PCLO: variants seen among roughly 807,000 people sequenced by gnomAD.
PCLO encodes protein piccolo.
PCLO carries 82 observed loss-of-function variants against 427.5 expected under a neutral mutation model. That is an observed-to-expected ratio of 0.19 (90% CI 0.16 to 0.23). The LOEUF (loss-of-function observed/expected upper bound fraction) is 0.23. PCLO is among the 10% of genes least tolerant of loss of function. The pLI is 1.00. For missense variants in PCLO, 6,239 were observed against 6,115.9 expected, an observed-to-expected ratio of 1.02 and a Z score of -0.67; for synonymous variants, 2,357 against 2,155.4, an observed-to-expected ratio of 1.09 and a Z score of -2.59.
rs775234755 is a variant in PCLO, at chr7:82,822,700, A to G, written c.14597-11T>C. ...TGGGAACCTGCATGTCTGGTCACAAAAGGGTAAAACATGAGTTAAAGTTGT... is the reference window on the plus strand; with the variant it reads ...TGGGAACCTGCATGTCTGGTCACAAGAGGGTAAAACATGAGTTAAAGTTGT... On this transcript the variant is annotated splice_polypyrimidine_tract_variant and intron_variant, in intron 19 of 24. Transcript: ENST00000333891. The G allele has an allele frequency of 6.2e-7, 1 of 1,611,024 alleles. No individual in the cohort carries two copies. The highest frequency in any genetic ancestry group is 2.2e-5 in the East Asian group (1 of 44,870).
intron 8 of PCLO, among the ~76,000 whole-genome samples, chr7:82,907,953 A>G (rs1183691910): frequency 6.6e-6 from 1 of 152,074 alleles, no homozygotes; most frequent in Non-Finnish European, 1.5e-5. Context: ...ACAAACACTG[A>G]ATTATAGTAA....
At chr7:83,133,267 C>T (rs1018197007) in intron 3 of PCLO, among the ~76,000 whole-genome samples, 5 of 151,740 alleles carry the variant, frequency 3.3e-5, no homozygotes, top group African/African-American at 7.3e-5. Flanking sequence ...TAATGAATAA[C>T]AAAATCAAGG....
intron 3 of PCLO, among the ~76,000 whole-genome samples, chr7:83,034,348 C>T (rs535008934): frequency 3.1e-4 from 47 of 152,230 alleles, no homozygotes; most frequent in African/African-American, 1.1e-3. Context: ...ACAACCACAC[C>T]GAGCTACTTT....
At position 82,955,320 on chromosome 7, in the gene PCLO, A is replaced by G. The variant is rs1795483912; in HGVS notation, c.5633T>C (p.Ile1878Thr). 1.9e-6 allele frequency: 3 copies of G among 1,613,394 alleles called. No homozygotes were observed. Among genetic ancestry groups the G allele is most frequent in the Non-Finnish European group, 2.5e-6 (3 of 1,179,708 alleles). ...EGFEISPEKI[I>T]EVQKVYKLPT... ...CAATTTATAAACTTTTTGTACTTCT[A>G]TTATTTTTTCCGGGCTTATTTCAAA... Residue 1878 changes from isoleucine (I) to threonine (T), a missense_variant, in exon 5 of 25, where the codon ATA (isoleucine) becomes ACA (threonine). Physicochemically the swap from Ile to Thr is moderately conservative, Grantham distance 89 (BLOSUM62 -1). Transcript: ENST00000333891.
chr7:83,054,365 T>C (rs1789326800), intron 3 of PCLO, among the ~76,000 whole-genome samples: 1 of 152,034 alleles, frequency 6.6e-6, no homozygotes. Context: ...ATAAATAGTT[T>C]CCTTTTTCTT....
intron 10 of PCLO, 58 bp from the exon 11 acceptor site, chr7:82,847,305 T>C (rs1792529909): frequency 1.1e-6 from 1 of 929,942 alleles, no homozygotes; most frequent in Non-Finnish European, 1.7e-6. Flanking sequence ...TCTGGGTACA[T>C]ATGGCATTGA....
chr7:82,800,577 A>G (rs897951865), intron 22 of PCLO, among the ~76,000 whole-genome samples: 3 of 152,050 alleles, frequency 2.0e-5, no homozygotes, highest in Non-Finnish European at 2.9e-5. Flanking sequence ...CACATGAAGG[A>G]CTATAGGGCT....
chr7:83,019,309 C>A (rs1309827194), intron 3 of PCLO, among the ~76,000 whole-genome samples: 1 of 151,922 alleles, frequency 6.6e-6, no homozygotes, highest in East Asian at 1.9e-4. Context: ...GGAAGAAGAA[C>A]AGAAATAAGA....
chr7:82,824,308 T>G lies in PCLO; in HGVS notation c.14524A>C (p.Ser4842Arg), dbSNP rs1467947402. 3 of 1,613,564 alleles carry G rather than the reference T, an allele frequency of 1.9e-6. No homozygotes were observed. The highest frequency in any genetic ancestry group is 2.5e-6 in the Non-Finnish European group (3 of 1,179,756). ...GATGGCTTTGGGGACTGCTGGCTGC[T>G]CTGACTGGAATGAGACTTGCCATGA... ...IDHGKSHSSQ[S>R]SQQSPKPSVI... Residue 4842 changes from serine to arginine, a missense_variant, in exon 19 of 25, where the codon AGC (serine) becomes CGC (arginine). By Grantham distance (110) the Ser-to-Arg change is moderately radical. Coordinates refer to ENST00000333891, the MANE Select transcript of PCLO (RefSeq NM_033026.6).
chr7:82,767,535 T>A (rs1488086602), intron 22 of PCLO, among the ~76,000 whole-genome samples: 2 of 151,694 alleles, frequency 1.3e-5, no homozygotes, highest in Non-Finnish European at 2.9e-5. Context: ...AAGATAGAAA[T>A]TAAGATTATT....
At chr7:82,808,297 A>T (rs1791498424) in intron 20 of PCLO, among the ~76,000 whole-genome samples, 1 of 151,858 alleles carries the variant, frequency 6.6e-6, no homozygotes, top group Non-Finnish European at 1.5e-5. Context: ...TTCAAGAGCA[A>T]ACTCACAATG....
intron 3 of PCLO, among the ~76,000 whole-genome samples, chr7:83,097,556 ATATAT>A (rs1351823659): frequency 6.8e-6 from 1 of 146,410 alleles, no homozygotes; most frequent in East Asian, 2.0e-4. Flanking sequence ...TATAAAATAC[ATATAT>A]TATATATATA....
intron 3 of PCLO, among the ~76,000 whole-genome samples, chr7:83,105,150 G>A (rs1057465020): frequency 1.3e-4 from 20 of 152,118 alleles, no homozygotes; most frequent in African/African-American, 4.6e-4. Flanking sequence ...GATGACAAAT[G>A]ATCCTTATGT....
intron 6 of PCLO, among the ~76,000 whole-genome samples, chr7:82,930,455 C>G (rs557671624): frequency 6.6e-6 from 1 of 151,944 alleles, no homozygotes; most frequent in Non-Finnish European, 1.5e-5. Flanking sequence ...TATTAGAAGA[C>G]GTAGTTGGCA....
At position 82,757,565 on chromosome 7, in the gene PCLO, T is replaced by C. The variant is rs570119225; in HGVS notation, c.*1010A>G. The C allele has an allele frequency of 8.5e-5, 13 of 152,084 alleles. No individual in the cohort carries two copies. The highest frequency in any genetic ancestry group is 2.6e-4 in the Admixed American group (4 of 15,244). The allele number at this position is 152,084 out of a possible 1,614,324, so 9.4% of individuals were successfully genotyped here. ...ATTAATCAATGTCACAAGATTAATA[T>C]GGTTTGTTTGCCAGAGAAAGAATTT... On this transcript the variant is annotated 3_prime_UTR_variant, in exon 25 of 25. Coordinates refer to ENST00000333891, the MANE Select transcript of PCLO (RefSeq NM_033026.6).
chr7:82,760,584 A>G, intron 24 of PCLO, 55 bp downstream of exon 24: 1 of 1,186,836 alleles, frequency 8.4e-7, no homozygotes, highest in Non-Finnish European at 1.2e-6. Context: ...TGGGATAAAA[A>G]TAAATACAAT....
At chr7:82,885,499 G>C (rs1793606204) in intron 9 of PCLO, among the ~76,000 whole-genome samples, 1 of 152,168 alleles carries the variant, frequency 6.6e-6, no homozygotes, top group Admixed American at 6.5e-5. Context: ...TAGTGAATAT[G>C]TGTTGTTTTA....
rs1792468279 is a variant in PCLO, at chr7:82,845,263, A to G, written c.14046+8T>C. ...AAGTGGGTCAGAGGTCACATCAACA[A>G]TCCTCACCTTGCTGCTGCCGTGCTT... On this transcript the variant is annotated splice_region_variant and intron_variant, in intron 13 of 24. Coordinates refer to ENST00000333891, the MANE Select transcript of PCLO (RefSeq NM_033026.6). 6.2e-7 allele frequency: 1 copy of G among 1,609,680 alleles called. No homozygotes were observed. Among genetic ancestry groups the G allele is most frequent in the Non-Finnish European group, 8.5e-7 (1 of 1,176,558 alleles).
intron 3 of PCLO, among the ~76,000 whole-genome samples, chr7:82,968,619 A>C (rs1200410287): frequency 6.6e-6 from 1 of 150,774 alleles, no homozygotes; most frequent in East Asian, 2.0e-4. Flanking sequence ...GCCCGGGTTC[A>C]AGAAATTCTC....
Sources: allele counts gnomAD v4.1 joint callset (sites outside exome capture counted in the v4.1 genomes callset), GRCh38; gene constraint gnomAD v4.1.1; transcripts MANE v1.5; gene names NCBI Gene and HGNC (gene_info 2026-07-23, HGNC 2026-07-21).